WDR59: variants seen among roughly 807,000 people sequenced by gnomAD.
WDR59 encodes the protein GATOR2 complex protein WDR59.
A neutral mutation model predicts 131.2 loss-of-function variants in WDR59; 100 were observed. The observed-to-expected ratio is 0.76, with a 90% CI of 0.65 to 0.90. The LOEUF is 0.90. Ranked by LOEUF, WDR59 falls within the 40% of genes least tolerant of loss-of-function variation. The pLI is 0.00. For synonymous variants in WDR59, 601 were observed against 466.2 expected (o/e 1.29, Z -3.72); for missense variants, 1,203 against 1,262.2 (o/e 0.95, Z 0.71).
chr16:74,923,643 A>G (rs1261131170), intron 9 of WDR59, among the ~76,000 whole-genome samples: 5 of 151,906 alleles, frequency 3.3e-5, no homozygotes, highest in Admixed American at 6.6e-5. Context: ...ACACCTGGCT[A>G]ATTTTTGTAT....
At chr16:74,972,603 GT>G (rs1420662025) in intron 1 of WDR59, among the ~76,000 whole-genome samples, 1 of 151,816 alleles carries the variant, frequency 6.6e-6, no homozygotes, top group Non-Finnish European at 1.5e-5. Context: ...GGAGGCCAAG[GT>G]GGGTGGATCA....
chr16:74,955,247 T>C (rs1244248416), intron 3 of WDR59, among the ~76,000 whole-genome samples: 1 of 152,168 alleles, frequency 6.6e-6, no homozygotes, highest in Non-Finnish European at 1.5e-5. Context: ...CATCTGACAG[T>C]GGCTGGAGAC....
intron 1 of WDR59, among the ~76,000 whole-genome samples, chr16:74,978,131 G>A (rs899243038): frequency 6.6e-6 from 1 of 152,058 alleles, no homozygotes; most frequent in African/African-American, 2.4e-5. Flanking sequence ...CAAGGTGGGT[G>A]GATCGTGAGG....
chr16:74,885,162 C>T (rs113040818), intron 25 of WDR59, among the ~76,000 whole-genome samples: 2,294 of 152,196 alleles, frequency 0.015, 42 homozygotes, highest in African/African-American at 0.05. Context: ...GCAATAGAAA[C>T]TGCATCCTGG....
chr16:74,961,142 C>CAA (rs34336346), intron 2 of WDR59, among the ~76,000 whole-genome samples: 14 of 140,428 alleles, frequency 1.0e-4, no homozygotes, highest in African/African-American at 3.7e-4. Context: ...CCTGTCTCTA[C>CAA]AAAAAAAAAA....
At chr16:74,902,374 T>C (rs2144880579) in intron 18 of WDR59, among the ~76,000 whole-genome samples, 2 of 152,202 alleles carry the variant, frequency 1.3e-5, no homozygotes, top group East Asian at 3.8e-4. Context: ...TACTATCAGA[T>C]ATTCTCTGAT....
At chr16:74,964,525 T>C (rs1046966907) in intron 2 of WDR59, among the ~76,000 whole-genome samples, 3 of 152,206 alleles carry the variant, frequency 2.0e-5, no homozygotes, top group African/African-American at 4.8e-5. Context: ...TTACTTTTCA[T>C]TGTATATCCT....
intron 10 of WDR59, among the ~76,000 whole-genome samples, chr16:74,920,846 A>G (rs1326463604): frequency 2.0e-5 from 3 of 152,224 alleles, no homozygotes; most frequent in Non-Finnish European, 4.4e-5. Flanking sequence ...TTAGGGATTC[A>G]AAAATAGGCA....
intron 19 of WDR59, among the ~76,000 whole-genome samples, chr16:74,892,952 C>A (rs755110967): frequency 1.3e-5 from 2 of 152,110 alleles, no homozygotes; most frequent in Non-Finnish European, 2.9e-5. Flanking sequence ...TGTGTGTAGA[C>A]TACAAAGGAA....
At chr16:74,980,333 GT>G (rs2034351058) in intron 1 of WDR59, among the ~76,000 whole-genome samples, 1 of 150,582 alleles carries the variant, frequency 6.6e-6, no homozygotes, top group Admixed American at 6.6e-5. Context: ...TCAGACTGGG[GT>G]TTTCCTCTGA....
At position 74,909,919 on chromosome 16, in the gene WDR59, T is replaced by C. The variant is rs774771991; in HGVS notation, c.1390-2A>G. 2 of 1,606,850 alleles carry C rather than the reference T, an allele frequency of 1.2e-6. No individual in the cohort carries two copies. Among genetic ancestry groups the C allele is most frequent in the Admixed American group, 3.4e-5 (2 of 58,508 alleles). On this transcript the variant is annotated splice_acceptor_variant, in intron 14 of 25. Transcript: ENST00000262144. LOFTEE classifies it high-confidence loss of function. ...CTGCAGGGCTGTGTCCTTCAGGATC[T>C]AGAAAAGGCCCAAAACACAGTCAAG...
intron 1 of WDR59, among the ~76,000 whole-genome samples, chr16:74,978,609 G>A (rs2034279721): frequency 6.6e-6 from 1 of 152,242 alleles, no homozygotes; most frequent in Non-Finnish European, 1.5e-5. Context: ...GATAAGGGAT[G>A]GAGATTGAGT....
At chr16:74,959,582 C>T (rs1250606159) in intron 2 of WDR59, 2 of 447,272 alleles carry the variant, frequency 4.5e-6, no homozygotes, top group Non-Finnish European at 8.9e-6. Context: ...GGCAACCTGG[C>T]AAGACCTTAT....
chr16:74,978,277 G>A (rs745381795), intron 1 of WDR59, among the ~76,000 whole-genome samples: 7 of 148,614 alleles, frequency 4.7e-5, no homozygotes, highest in Non-Finnish European at 1.0e-4. Context: ...AGCCGAGATC[G>A]TGCGACTGCA....
chr16:74,950,751 G>A (rs1453148554), intron 4 of WDR59, among the ~76,000 whole-genome samples: 3 of 152,142 alleles, frequency 2.0e-5, no homozygotes, highest in Non-Finnish European at 4.4e-5. Flanking sequence ...TGTAACCGCT[G>A]CTGCCGGAGA....
Position 74,915,872 on chromosome 16 carries a change from C to CCACATTGACATTCCGGATTTG in WDR59, c.1201_1221dup (p.Gln401_Val407dup). On this transcript the variant is annotated inframe_insertion, in exon 13 of 26. Transcript: ENST00000262144. The stretch of plus-strand genomic sequence containing the variant: ...ATACAGTTGATTAAACTAAGTACCT[C>CCACATTGACATTCCGGATTTG]CACATTGACATTCCGGATTTGCACA... The CCACATTGACATTCCGGATTTG allele has an allele frequency of 6.2e-7, 1 of 1,614,236 alleles. No individual in the cohort carries two copies. Among genetic ancestry groups the CCACATTGACATTCCGGATTTG allele is most frequent in the Non-Finnish European group, 8.5e-7 (1 of 1,180,032 alleles).
rs1324350105 is a variant in WDR59 at position 74,908,993 on chromosome 16, T to A, written c.1643-16A>T. The A allele has an allele frequency of 1.2e-6, 2 of 1,610,776 alleles. No individual in the cohort carries two copies. Among genetic ancestry groups the A allele is most frequent in the African/African-American group, 2.7e-5 (2 of 74,816 alleles). On this transcript the variant is annotated splice_polypyrimidine_tract_variant and intron_variant, in intron 16 of 25. Coordinates refer to ENST00000262144, the MANE Select transcript of WDR59 (RefSeq NM_030581.4). ...ACCAGGTAACCTAAAGGAGGAGACA[T>A]CACATGAGCCATCAGTGTCAACAAG...
chr16:74,903,759 T>C (rs977366065), intron 18 of WDR59, among the ~76,000 whole-genome samples, 188 bp downstream of exon 18: 3 of 152,134 alleles, frequency 2.0e-5, no homozygotes, highest in African/African-American at 7.2e-5. Flanking sequence ...CCCTGACCCA[T>C]ACACACACAA....
intron 1 of WDR59, among the ~76,000 whole-genome samples, chr16:74,969,877 C>A (rs1444478681): frequency 6.6e-6 from 1 of 151,990 alleles, no homozygotes; most frequent in Non-Finnish European, 1.5e-5. Flanking sequence ...GCCTCAAACT[C>A]CTAGATTCAA....
Sources: allele counts gnomAD v4.1 joint callset (sites outside exome capture counted in the v4.1 genomes callset), GRCh38; gene constraint gnomAD v4.1.1; transcripts MANE v1.5; gene names NCBI Gene and HGNC (gene_info 2026-07-23, HGNC 2026-07-21).